The following CCL26 variants were observed in gnomAD, a reference collection of about 807,000 sequenced individuals.
CCL26 encodes C-C motif chemokine ligand 26.
CCL26 carries 10 observed loss-of-function variants against 10.7 expected under a neutral mutation model. The ratio of observed to expected loss-of-function variants is 0.93; its 90% CI spans 0.57 to 1.58. The LOEUF (loss-of-function observed/expected upper bound fraction) is 1.58. CCL26 is among the 40% of genes most tolerant of loss of function. The probability of loss-of-function intolerance (pLI) is 0.00; values close to 1 mark genes in which losing one functional copy is unlikely to be tolerated. For missense variants in CCL26, 116 were observed against 111.0 expected, an observed-to-expected ratio of 1.05 and a Z score of -0.20; for synonymous variants, 43 against 41.4, an observed-to-expected ratio of 1.04 and a Z score of -0.15.
upstream of CCL26, among the ~76,000 whole-genome samples, chr7:75,773,837 C>T (rs1264699761): frequency 1.3e-5 from 2 of 151,836 alleles, no homozygotes; most frequent in African/African-American, 4.8e-5. Context: ...GAGCCAAGAT[C>T]GTGCCATTGC....
At chr7:75,790,553 C>G (rs1803310564), upstream of CCL26, among the ~76,000 whole-genome samples, 1 of 152,088 alleles carries the variant, frequency 6.6e-6, no homozygotes, top group African/African-American at 2.4e-5. Flanking sequence ...GCAGGAGCTG[C>G]TGTGCCTGGC....
upstream of CCL26, among the ~76,000 whole-genome samples, chr7:75,791,013 C>CTTTTT (rs35608337): frequency 6.0e-5 from 8 of 134,352 alleles, no homozygotes; most frequent in Non-Finnish European, 1.1e-4. Context: ...GAAACTCCTC[C>CTTTTT]TTTTTTTTTT....
intron 1 of CCL26, among the ~76,000 whole-genome samples, chr7:75,786,703 TTTC>T (rs1333811788): frequency 1.4e-4 from 21 of 152,154 alleles, no homozygotes; most frequent in African/African-American, 4.8e-4. Flanking sequence ...ATGGCCAGTT[TTTC>T]TTCTTCTCAT....
At chr7:75,786,301 G>A (rs1803183036) in intron 1 of CCL26, among the ~76,000 whole-genome samples, 1 of 152,122 alleles carries the variant, frequency 6.6e-6, no homozygotes. Flanking sequence ...AGTTCCACCA[G>A]GCCTGATCGC....
At chr7:75,783,750 G>C (rs565810661) in intron 1 of CCL26, among the ~76,000 whole-genome samples, 1 of 144,560 alleles carries the variant, frequency 6.9e-6, no homozygotes, top group Non-Finnish European at 1.5e-5. Context: ...TCGTGCCACT[G>C]CACACCAGCC....
intron 1 of CCL26, among the ~76,000 whole-genome samples, chr7:75,784,166 T>C (rs1273429782): frequency 6.6e-6 from 1 of 151,924 alleles, no homozygotes; most frequent in Admixed American, 6.6e-5. Context: ...CTGCCAGGGG[T>C]TCCTCCAGAA....
At chr7:75,786,066 A>G (rs1171331406) in intron 1 of CCL26, among the ~76,000 whole-genome samples, 1 of 152,146 alleles carries the variant, frequency 6.6e-6, no homozygotes, top group African/African-American at 2.4e-5. Flanking sequence ...CCTGACACAT[A>G]TACTTTCTGC....
chr7:75,779,569 C>T (rs1479611022), intron 1 of CCL26, among the ~76,000 whole-genome samples: 1 of 152,202 alleles, frequency 6.6e-6, no homozygotes, highest in Non-Finnish European at 1.5e-5. Context: ...ATTTCAGTTC[C>T]TTTCCTTTTC....
intron 1 of CCL26, among the ~76,000 whole-genome samples, chr7:75,784,930 G>A (rs931623739): frequency 6.6e-6 from 1 of 152,104 alleles, no homozygotes; most frequent in Non-Finnish European, 1.5e-5. Context: ...CTCACAGCAT[G>A]CTTTAAAAGG....
chr7:75,779,349 G>T lies in CCL26; in HGVS notation c.-78-7095C>A, dbSNP rs77236292. Among the ~76,000 whole-genome samples the T allele has an allele frequency of 1.6e-3, 245 of 152,310 alleles. 3 individuals carry two copies. The highest frequency in any genetic ancestry group is 5.7e-3 in the African/African-American group (235 of 41,566). ...TCGGATCGGGGGACCTCCCTTGGGAGATAAATCCCATGTCCTCCTGCTCTT... is the reference window on the plus strand; with the variant it reads ...TCGGATCGGGGGACCTCCCTTGGGATATAAATCCCATGTCCTCCTGCTCTT... On this transcript the variant is annotated intron_variant, in intron 1 of 3. Transcript: ENST00000394905.
intron 1 of CCL26, among the ~76,000 whole-genome samples, chr7:75,780,904 G>A (rs782635751): frequency 7.9e-5 from 12 of 152,116 alleles, no homozygotes; most frequent in Admixed American, 2.0e-4. Context: ...TTACAGTTTC[G>A]TTCCATGACT....
At chr7:75,772,365 G>A (rs1802843711), upstream of CCL26, 1 of 590,102 alleles carries the variant, frequency 1.7e-6, no homozygotes, top group Admixed American at 3.0e-5. Context: ...AGTGAAGAAA[G>A]ATAATCTGGC....
chr7:75,769,578 A>C lies in CCL26; in HGVS notation c.*115T>G. 1.6e-6 allele frequency: 1 copy of C among 617,356 alleles called. No homozygotes were observed. The highest frequency in any genetic ancestry group is 3.0e-6 in the Non-Finnish European group (1 of 338,436). The allele number at this position is 617,356 out of a possible 1,614,324, so 38.2% of individuals were successfully genotyped here. A position where few individuals can be genotyped will look rare whatever the true frequency, so the allele number is the denominator to read the frequency against. Reference sequence around the variant, plus strand: ...TATTAAAGTAACTCTGGGAGGAAACACCCTCTCCTCCCCAGCGGGTCCATG... The same window carrying C: ...TATTAAAGTAACTCTGGGAGGAAACCCCCTCTCCTCCCCAGCGGGTCCATG... On this transcript the variant is annotated 3_prime_UTR_variant, in exon 3 of 3. Transcript: ENST00000005180.
chr7:75,776,078 T>TC (rs1402565031), upstream of CCL26, among the ~76,000 whole-genome samples: 1 of 148,060 alleles, frequency 6.8e-6, no homozygotes, highest in Non-Finnish European at 1.5e-5. Context: ...CTTTTTTTTT[T>TC]TTTTTTTTTT....
At chr7:75,781,222 G>A (rs1367684665) in intron 1 of CCL26, among the ~76,000 whole-genome samples, 3 of 152,228 alleles carry the variant, frequency 2.0e-5, no homozygotes, top group Non-Finnish European at 2.9e-5. Flanking sequence ...CAAACCCCAC[G>A]ACAGGACTTA....
chr7:75,776,513 A>AAAGGAAGG (rs58177095), upstream of CCL26, among the ~76,000 whole-genome samples: 67 of 109,064 alleles, frequency 6.1e-4, no homozygotes, highest in Middle Eastern at 4.1e-3. Context: ...TGCACTCCAA[A>AAAGGAAGG]AAGGAAGGAA....
intron 1 of CCL26, among the ~76,000 whole-genome samples, chr7:75,788,786 A>C (rs1803258692): frequency 6.6e-6 from 1 of 151,572 alleles, no homozygotes; most frequent in Admixed American, 6.6e-5. Context: ...CTTTGGGGCA[A>C]CTGACTTAAA....
At chr7:75,771,549 C>A (rs1802819477) in intron 2 of CCL26, among the ~76,000 whole-genome samples, 1 of 151,990 alleles carries the variant, frequency 6.6e-6, no homozygotes, top group African/African-American at 2.4e-5. Context: ...TGGTGAAATT[C>A]TACTAATAAC....
chr7:75,790,033 C>A, upstream of CCL26: 2 of 111,652 alleles, frequency 1.8e-5, no homozygotes, highest in Admixed American at 1.0e-4. Context: ...TTCCTTCCTT[C>A]CCTCCATTCC....
Sources: gnomAD v4.1 joint callset for allele counts (sites outside exome capture counted in the v4.1 genomes callset) on GRCh38, gnomAD v4.1.1 for gene constraint, MANE v1.5 for transcripts, NCBI Gene and HGNC (gene_info 2026-07-23, HGNC 2026-07-21) for gene names.